The following CSMD1 variants were observed in gnomAD, a reference collection of about 807,000 sequenced individuals.
The protein encoded by CSMD1 is CUB and sushi domain-containing protein 1.
Under a neutral mutation model 417.5 loss-of-function variants are expected in CSMD1, and 213 were observed. That is an observed-to-expected ratio of 0.51 (90% CI 0.46 to 0.57). The LOEUF is 0.57. Ranked by LOEUF, CSMD1 falls within the 20% of genes least tolerant of loss-of-function variation. CSMD1 has a pLI of 0.00. For synonymous variants in CSMD1, 2,862 were observed against 1,736.8 expected (o/e 1.65, Z -16.11); for missense variants, 6,923 against 4,529.7 (o/e 1.53, Z -15.17).
intron 3 of CSMD1, among the ~76,000 whole-genome samples, chr8:4,124,416 TC>T (rs200107620): frequency 7.1e-6 from 1 of 140,416 alleles, no homozygotes; most frequent in Non-Finnish European, 1.6e-5. Context: ...TTAATTTTTT[TC>T]CCTTTAGTGT....
chr8:4,087,792 CATTT>C (rs1800498086), intron 3 of CSMD1, among the ~76,000 whole-genome samples: 1 of 152,082 alleles, frequency 6.6e-6, no homozygotes, highest in Non-Finnish European at 1.5e-5. Context: ...TATTGTCTCA[CATTT>C]ATTTTTATTT....
intron 5 of CSMD1, among the ~76,000 whole-genome samples, chr8:3,809,089 T>C (rs1361696254): frequency 6.6e-6 from 1 of 152,164 alleles, no homozygotes; most frequent in African/African-American, 2.4e-5. Context: ...CTATCATATA[T>C]GACAACCTGC....
At chr8:3,686,180 G>C (rs1799934847) in intron 7 of CSMD1, among the ~76,000 whole-genome samples, 1 of 152,054 alleles carries the variant, frequency 6.6e-6, no homozygotes, top group African/African-American at 2.4e-5. Flanking sequence ...TTGAAATTAA[G>C]CTTGGGCTTG....
chr8:4,629,456 C>A (rs976838921), intron 2 of CSMD1, among the ~76,000 whole-genome samples: 1 of 152,126 alleles, frequency 6.6e-6, no homozygotes, highest in Non-Finnish European at 1.5e-5. Flanking sequence ...ACCTGCTTTT[C>A]AATTGAAGGA....
At chr8:4,103,598 A>T (rs1280036785) in intron 3 of CSMD1, among the ~76,000 whole-genome samples, 3 of 152,130 alleles carry the variant, frequency 2.0e-5, no homozygotes, top group Admixed American at 6.5e-5. Flanking sequence ...ACTCATTCAG[A>T]TATTTTCATG....
At chr8:4,111,236 T>G (rs1167465538) in intron 3 of CSMD1, among the ~76,000 whole-genome samples, 1 of 152,206 alleles carries the variant, frequency 6.6e-6, no homozygotes, top group African/African-American at 2.4e-5. Flanking sequence ...TCCACGTCTT[T>G]GCTTTCTATT....
intron 10 of CSMD1, among the ~76,000 whole-genome samples, chr8:3,539,527 G>C (rs925562187): frequency 7.2e-5 from 11 of 152,152 alleles, no homozygotes; most frequent in Middle Eastern, 3.4e-3. Context: ...GCCCACAAAG[G>C]TTCTCATTTT....
chr8:3,866,563 T>A (rs1272101377), intron 5 of CSMD1, among the ~76,000 whole-genome samples: 1 of 152,150 alleles, frequency 6.6e-6, no homozygotes, highest in Non-Finnish European at 1.5e-5. Context: ...TTTTTAGTTC[T>A]GGTGATGACA....
intron 6 of CSMD1, among the ~76,000 whole-genome samples, chr8:3,709,107 G>A (rs1433222109): frequency 1.3e-5 from 2 of 149,232 alleles, no homozygotes; most frequent in Admixed American, 6.7e-5. Flanking sequence ...AGTTAAATAT[G>A]TTTCTTGATG....
In CSMD1 at chr8:4,086,816, T is replaced by C. The variant is rs139156779; in HGVS notation, c.416-54717A>G. ...GTGAAACAAATTTCTTAGTCTGAGA[T>C]GAAAACTTTGCATGCATCCTTGTCA... On this transcript the variant is annotated intron_variant, in intron 3 of 69. Transcript: ENST00000635120. Among the ~76,000 whole-genome samples the C allele has an allele frequency of 3.2e-3, 487 of 152,346 alleles. 2 individuals carry two copies. The highest frequency in any genetic ancestry group is 0.017 in the Middle Eastern group (5 of 294).
intron 3 of CSMD1, among the ~76,000 whole-genome samples, chr8:4,286,725 T>A (rs1183478530): frequency 6.6e-6 from 1 of 152,202 alleles, no homozygotes; most frequent in Non-Finnish European, 1.5e-5. Context: ...GCTCACACGG[T>A]AGACTCCCCA....
rs565961135 is a variant in CSMD1, at chr8:4,137,412, G to C, written c.416-105313C>G. 2.6e-5 allele frequency among the ~76,000 whole-genome samples: 2 copies of C among 77,814 alleles called. 1 individual carries two copies. Among genetic ancestry groups the C allele is most frequent in the Non-Finnish European group, 7.9e-5 (2 of 25,366 alleles). 51.0% of individuals were successfully genotyped at this position (77,814 alleles called of 152,430 possible). On this transcript the variant is annotated intron_variant, in intron 3 of 69. Coordinates refer to ENST00000635120, the MANE Select transcript of CSMD1 (RefSeq NM_033225.6). Reference sequence around the variant, plus strand: ...TGAAGAACAGAAAACAAAAGTTATCGCTTGTGTTTAATAATGAAATTAAAT... The same window carrying C: ...TGAAGAACAGAAAACAAAAGTTATCCCTTGTGTTTAATAATGAAATTAAAT...
At chr8:3,155,358 G>GTTTTTTTTTTTTTTTTTTTTTTTTTTTTT in intron 39 of CSMD1, among the ~76,000 whole-genome samples, 1 of 48,108 alleles carries the variant, frequency 2.1e-5, no homozygotes, top group East Asian at 9.8e-4. Flanking sequence ...TCAAGGCTGG[G>GTTTTTTTTTTTTTTTTTTTTTTTTTTTTT]ATTTTTTTTT....
chr8:4,568,947 C>T (rs557226311), intron 2 of CSMD1, among the ~76,000 whole-genome samples: 9 of 152,204 alleles, frequency 5.9e-5, no homozygotes, highest in Non-Finnish European at 1.3e-4. Flanking sequence ...TCATATCCTT[C>T]ACCCGCTTTT....
chr8:4,123,637 T>C (rs1056497348), intron 3 of CSMD1, among the ~76,000 whole-genome samples: 3 of 152,178 alleles, frequency 2.0e-5, no homozygotes, highest in Non-Finnish European at 4.4e-5. Flanking sequence ...GATGATAACA[T>C]TGGAAATGGG....
At chr8:4,068,414 G>C (rs889349361) in intron 3 of CSMD1, among the ~76,000 whole-genome samples, 1 of 152,190 alleles carries the variant, frequency 6.6e-6, no homozygotes, top group African/African-American at 2.4e-5. Context: ...GGAGAGACAT[G>C]AAAAGCACGG....
intron 5 of CSMD1, among the ~76,000 whole-genome samples, chr8:3,968,423 G>C (rs143281685): frequency 2.0e-5 from 3 of 152,050 alleles, no homozygotes; most frequent in African/African-American, 7.2e-5. Flanking sequence ...GGGTTCACAT[G>C]GACACACACT....
intron 10 of CSMD1, among the ~76,000 whole-genome samples, chr8:3,509,578 T>C (rs1367553141): frequency 6.6e-6 from 1 of 152,222 alleles, no homozygotes; most frequent in East Asian, 1.9e-4. Context: ...TCTATAACTG[T>C]TTCTATGTTA....
chr8:3,574,981 G>T lies in CSMD1; in HGVS notation c.1308C>A (p.His436Gln), dbSNP rs574918910. 3.7e-6 allele frequency: 6 copies of T among 1,613,102 alleles called. No individual in the cohort carries two copies. In the East Asian group the frequency reaches 6.7e-5, roughly 18 times the overall value. Residue 436 changes from histidine to glutamine, a missense_variant, in exon 10 of 70, where the codon CAC becomes CAA. By Grantham distance (24) the His-to-Gln change is conservative. Coordinates refer to ENST00000635120, the MANE Select transcript of CSMD1 (RefSeq NM_033225.6). ...NYPVQYEDNA[H>Q]CVWVITTTDP... is the part of the protein sequence containing the mutation. ...CGGTGGTGGTGATGACCCACACACAGTGTGCATTATCTTCATACTGAACCG... is the reference window on the plus strand; with the variant it reads ...CGGTGGTGGTGATGACCCACACACATTGTGCATTATCTTCATACTGAACCG...
Sources: allele counts gnomAD v4.1 joint callset (sites outside exome capture counted in the v4.1 genomes callset), GRCh38; gene constraint gnomAD v4.1.1; transcripts MANE v1.5; gene names NCBI Gene and HGNC (gene_info 2026-07-23, HGNC 2026-07-21).